Variants in PHF8 observed in about 807,000 individuals in gnomAD.
The protein encoded by PHF8 is PHD finger protein 8.
In PHF8, 9 loss-of-function variants were observed where a neutral mutation model predicts 74.4. The observed-to-expected ratio is 0.12, with a 90% CI of 0.07 to 0.21. PHF8 has a LOEUF of 0.21. PHF8 is among the 10% of genes least tolerant of loss of function. The probability of loss-of-function intolerance (pLI) is 1.00; values close to 1 mark genes in which losing one functional copy is unlikely to be tolerated. For missense variants in PHF8, 478 were observed against 816.6 expected, an observed-to-expected ratio of 0.59 and a Z score of 5.05; for synonymous variants, 311 against 316.6, an observed-to-expected ratio of 0.98 and a Z score of 0.19.
At chrX:54,032,636 T>C (rs1294946881) in intron 2 of PHF8, among the ~76,000 whole-genome samples, 1 of 111,201 alleles carries the variant, frequency 9.0e-6, no homozygotes. Context: ...CTCTAGACCA[T>C]GTATTATCAC....
At chrX:54,039,194 G>GATATCC (rs2066512953) in intron 2 of PHF8, among the ~76,000 whole-genome samples, 1 of 109,617 alleles carries the variant, frequency 9.1e-6, no homozygotes, top group African/African-American at 3.3e-5. Context: ...TCACCTCTAG[G>GATATCC]TATCTGTGGA....
At chrX:54,026,089 C>T (rs1275235986) in intron 2 of PHF8, among the ~76,000 whole-genome samples, 2 of 111,684 alleles carry the variant, frequency 1.8e-5, no homozygotes, top group Non-Finnish European at 3.8e-5. Flanking sequence ...CACGGTGGCT[C>T]ACGCCTGTAA....
intron 8 of PHF8, among the ~76,000 whole-genome samples, chrX:54,005,618 A>G (rs2149857653): frequency 1.9e-5 from 2 of 107,242 alleles, no homozygotes; most frequent in South Asian, 8.3e-4. Flanking sequence ...AACTGCAGAA[A>G]ACTTAAAAAA....
intron 19 of PHF8, among the ~76,000 whole-genome samples, chrX:53,956,201 G>T (rs1352814805): frequency 9.0e-6 from 1 of 111,633 alleles, no homozygotes; most frequent in Non-Finnish European, 1.9e-5. Flanking sequence ...AGTGAGCAGA[G>T]ATCATGCTAC....
chrX:53,985,020 G>A lies in PHF8; in HGVS notation c.2337C>T (p.Pro779=). Residue 779 remains proline (P), a synonymous_variant, in exon 18 of 22, where the codon CCC becomes CCT. Transcript: ENST00000338154. ...PASQRTPGKR[P]IKRPAYWRTE... Reference sequence around the variant, plus strand: ...TTCTCCAGTATGCTGGCCGCTTGATGGGCCGCTTCCCTGGGGTGCGCTGGG... The same window carrying A: ...TTCTCCAGTATGCTGGCCGCTTGATAGGCCGCTTCCCTGGGGTGCGCTGGG... The A allele has an allele frequency of 8.3e-7, 1 of 1,210,768 alleles. No individual in the cohort carries two copies. The highest frequency in any genetic ancestry group is 1.1e-6 in the Non-Finnish European group (1 of 894,496).
At chrX:53,970,444 C>A (rs1557094236) in intron 18 of PHF8, among the ~76,000 whole-genome samples, 1 of 111,691 alleles carries the variant, frequency 9.0e-6, no homozygotes, top group Non-Finnish European at 1.9e-5. Flanking sequence ...ATAAACAAGT[C>A]TACAAAATAA....
rs2064701969 is a variant in PHF8, at chrX:53,938,582, A to G, written c.*576T>C. ...TGGAAATGGCCCACAGTGGGGCAGGAAGGAGGCTCTAGGCCTTCCTCTTCA... is the reference window on the plus strand; with the variant it reads ...TGGAAATGGCCCACAGTGGGGCAGGGAGGAGGCTCTAGGCCTTCCTCTTCA... On this transcript the variant is annotated 3_prime_UTR_variant, in exon 22 of 22. Coordinates refer to ENST00000338154, the MANE Select transcript of PHF8 (RefSeq NM_015107.3). 4.0e-6 allele frequency: 3 copies of G among 756,054 alleles called. No homozygotes were observed. Among genetic ancestry groups the G allele is most frequent in the African/African-American group, 2.3e-5 (1 of 43,356 alleles). The allele number at this position is 756,054 out of a possible 1,213,427, so 62.3% of individuals were successfully genotyped here. A position where few individuals can be genotyped will look rare whatever the true frequency, so the allele number is the denominator to read the frequency against.
In PHF8 at chrX:53,986,944, T is replaced by C. The variant is rs2149830432; in HGVS notation, c.1995+134A>G. ...ACTCTGTCTCAAAAAATAATAGTAA[T>C]AATAAATAAATTATTCAGGAAATGA... On this transcript the variant is annotated intron_variant, in intron 16 of 21. Transcript: ENST00000338154. 4 of 476,047 alleles carry C rather than the reference T, an allele frequency of 8.4e-6. No individual in the cohort carries two copies. In the South Asian group the frequency reaches 1.2e-4, roughly 14 times the overall value. 39.2% of individuals were successfully genotyped at this position (476,047 alleles called of 1,213,427 possible).
At chrX:54,033,497 G>A (rs868943579) in intron 2 of PHF8, among the ~76,000 whole-genome samples, 7 of 111,076 alleles carry the variant, frequency 6.3e-5, no homozygotes, top group South Asian at 7.5e-4. Flanking sequence ...GGCAGATCAC[G>A]AGGTCAGGAG....
intron 18 of PHF8, among the ~76,000 whole-genome samples, chrX:53,981,343 C>G (rs186121741): frequency 8.9e-6 from 1 of 112,408 alleles, no homozygotes; most frequent in Non-Finnish European, 1.9e-5. Context: ...TTCACAACTA[C>G]AGAGAAAGCC....
intron 18 of PHF8, among the ~76,000 whole-genome samples, chrX:53,978,765 T>C (rs1386318391): frequency 1.1e-5 from 1 of 89,519 alleles, no homozygotes; most frequent in African/African-American, 4.5e-5. Context: ...GCCATTGCCC[T>C]CCAGCCCAGG....
chrX:54,047,349 A>G (rs1218826703), upstream of PHF8, among the ~76,000 whole-genome samples: 1 of 112,188 alleles, frequency 8.9e-6, no homozygotes, highest in Non-Finnish European at 1.9e-5. Flanking sequence ...TACGCAGAAG[A>G]GAAAACAGAT....
Position 54,011,210 on chromosome X carries a change from A to G in PHF8, c.858T>C (p.Ser286=). 1 of 1,206,303 alleles carries G rather than the reference A, an allele frequency of 8.3e-7. No individual in the cohort carries two copies. Residue 286 remains serine, a synonymous_variant, in exon 8 of 22, where the codon TCT becomes TCC. Coordinates refer to ENST00000338154, the MANE Select transcript of PHF8 (RefSeq NM_015107.3). The stretch of plus-strand genomic sequence containing the variant: ...CCCCAAAGAACATCTCATTCTGATT[A>G]GAGGAACTGCTCCAGCACTCAAAGA... The part of the protein sequence containing the change: ...LTLFECWSSS[S]NQNEMFFGDQ...
chrX:53,939,456 C>T (rs1557082777), intron 21 of PHF8, among the ~76,000 whole-genome samples: 1 of 111,651 alleles, frequency 9.0e-6, no homozygotes, highest in Admixed American at 9.5e-5. Flanking sequence ...CCTGTAGCAG[C>T]AAGACTCCCT....
At chrX:53,980,592 A>G (rs2065464671) in intron 18 of PHF8, among the ~76,000 whole-genome samples, 1 of 112,185 alleles carries the variant, frequency 8.9e-6, no homozygotes, top group Non-Finnish European at 1.9e-5. Context: ...AAACTAATAC[A>G]GGACACACAG....
intron 18 of PHF8, among the ~76,000 whole-genome samples, chrX:53,966,168 A>G (rs1415542489): frequency 8.9e-6 from 1 of 112,183 alleles, no homozygotes; most frequent in Non-Finnish European, 1.9e-5. Flanking sequence ...AGGAAAACAG[A>G]AAATATTTCC....
intron 7 of PHF8, among the ~76,000 whole-genome samples, chrX:54,013,962 A>AT (rs782435958): frequency 3.2e-3 from 343 of 107,017 alleles, no homozygotes; most frequent in Admixed American, 9.0e-3. Context: ...TTTTGAATCA[A>AT]TTTTTTTTTT....
At chrX:53,959,673 C>T (rs1242854913) in intron 19 of PHF8, among the ~76,000 whole-genome samples, 4 of 108,734 alleles carry the variant, frequency 3.7e-5, no homozygotes, top group African/African-American at 1.3e-4. Flanking sequence ...ACCAGCCTAG[C>T]TAACATGGCA....
chrX:54,008,875 T>A (rs1012732249), intron 8 of PHF8, among the ~76,000 whole-genome samples: 6 of 110,217 alleles, frequency 5.4e-5, no homozygotes, highest in Admixed American at 9.6e-5. Context: ...AGGGTTTTTT[T>A]AAAAAACAAT....
Sources: gnomAD v4.1 joint callset for allele counts (sites outside exome capture counted in the v4.1 genomes callset) on GRCh38, gnomAD v4.1.1 for gene constraint, MANE v1.5 for transcripts, NCBI Gene and HGNC (gene_info 2026-07-23, HGNC 2026-07-21) for gene names.